RTL8B: variants seen among roughly 807,000 people sequenced by gnomAD.
RTL8B encodes the protein retrotransposon Gag like 8B.
RTL8B carries 5 observed loss-of-function variants against 4.4 expected under a neutral mutation model. The observed-to-expected ratio is 1.13, with a 90% CI of 0.59 to 2.37. RTL8B has a LOEUF of 2.37. Ranked by LOEUF, RTL8B falls within the 30% of genes most tolerant of loss-of-function variation. The pLI is 0.01. For synonymous variants in RTL8B, 31 were observed against 44.2 expected, an observed-to-expected ratio of 0.70 and a Z score of 1.19; for missense variants, 82 against 99.2, an observed-to-expected ratio of 0.83 and a Z score of 0.74.
Position 135,021,977 on chromosome X carries a change from G to T in RTL8B, c.*141C>A, listed in dbSNP as rs747032694. On this transcript the variant is annotated 3_prime_UTR_variant, in exon 1 of 1. Transcript: ENST00000391440. ...CAAAGGCAAGCACTACGCGGGAGGG[G>T]ACAGGAGCGCAGGGGACATCGTGGC... The T allele has an allele frequency of 8.6e-7, 1 of 1,159,191 alleles. No homozygotes were observed. Among genetic ancestry groups the T allele is most frequent in the East Asian group, 3.3e-5 (1 of 30,634 alleles).
rs763902167 is a variant in RTL8B at position 135,021,766 on chromosome X, G to A, written c.*352C>T. 2.7e-5 allele frequency: 29 copies of A among 1,057,611 alleles called. No homozygotes were observed. Among genetic ancestry groups the A allele is most frequent in the Non-Finnish European group, 3.4e-5 (27 of 804,230 alleles). 87.2% of individuals were successfully genotyped at this position (1,057,611 alleles called of 1,213,427 possible). A position where few individuals can be genotyped will look rare whatever the true frequency, so the allele number is the denominator to read the frequency against. ...CTGGAAGTCTGGTGAGGAGGAGGGGGGTTGGCAGCGGCGGCTGTCAGTGGT... is the reference window on the plus strand; with the variant it reads ...CTGGAAGTCTGGTGAGGAGGAGGGGAGTTGGCAGCGGCGGCTGTCAGTGGT... On this transcript the variant is annotated 3_prime_UTR_variant, in exon 1 of 1. Coordinates refer to ENST00000391440, the MANE Select transcript of RTL8B (RefSeq NM_001078173.2).
chrX:135,020,750 G>C lies in RTL8B; in HGVS notation c.*1368C>G, dbSNP rs1367443439. On this transcript the variant is annotated 3_prime_UTR_variant, in exon 1 of 1. Transcript: ENST00000391440. ...ATTCTTCTGCAAAATAAAACCCCCT[G>C]GTCATCAACCAGGTTTGTATCTAAA... 9.0e-6 allele frequency: 1 copy of C among 111,654 alleles called. No homozygotes were observed. The highest frequency in any genetic ancestry group is 3.3e-5 in the African/African-American group (1 of 30,672). The allele number at this position is 111,654 out of a possible 1,213,427, so 9.2% of individuals were successfully genotyped here. A position where few individuals can be genotyped will look rare whatever the true frequency, so the allele number is the denominator to read the frequency against.
chrX:135,022,008 G>A lies in RTL8B; in HGVS notation c.*110C>T, dbSNP rs2083268636. The A allele has an allele frequency of 1.7e-6, 2 of 1,169,143 alleles. No individual in the cohort carries two copies. Among genetic ancestry groups the A allele is most frequent in the Admixed American group, 2.5e-5 (1 of 39,369 alleles). On this transcript the variant is annotated 3_prime_UTR_variant, in exon 1 of 1. Coordinates refer to ENST00000391440, the MANE Select transcript of RTL8B (RefSeq NM_001078173.2). ...AGCGCAGGGGACATCGTGGCGGCTC[G>A]AGGGGGAGGGAGGCGCGGAGGGAGG...
chrX:135,022,060 C>A lies in RTL8B; in HGVS notation c.*58G>T, dbSNP rs1394577123. ...CGCCGGTGGCGACCCTGGCGGCGGCCAGTAACACAGCGGACCCTTCCCAGA... is the reference window on the plus strand; with the variant it reads ...CGCCGGTGGCGACCCTGGCGGCGGCAAGTAACACAGCGGACCCTTCCCAGA... On this transcript the variant is annotated 3_prime_UTR_variant, in exon 1 of 1. Coordinates refer to ENST00000391440, the MANE Select transcript of RTL8B (RefSeq NM_001078173.2). 5.0e-6 allele frequency: 6 copies of A among 1,207,665 alleles called. No homozygotes were observed. Among genetic ancestry groups the A allele is most frequent in the Non-Finnish European group, 5.6e-6 (5 of 894,193 alleles).
In RTL8B at chrX:135,022,538, T is replaced by A; in HGVS notation, c.-79A>T. On this transcript the variant is annotated 5_prime_UTR_variant, in exon 1 of 1. Transcript: ENST00000391440. ...GGCTGCACCGAGGCGTAGCGGGAAG[T>A]GCATGTCGCGGGAGGAGAAGCCGGG... The A allele has an allele frequency of 8.6e-7, 1 of 1,156,500 alleles. No individual in the cohort carries two copies. The highest frequency in any genetic ancestry group is 1.2e-6 in the Non-Finnish European group (1 of 869,384).
At position 135,021,819 on chromosome X, in the gene RTL8B, T is replaced by G; in HGVS notation, c.*299A>C. ...GTCAGTGTGTAACAGGAGCTCAGCT[T>G]TGTGCAACTGGAGCGCAGGACAGCG... On this transcript the variant is annotated 3_prime_UTR_variant, in exon 1 of 1. Transcript: ENST00000391440. 9.0e-7 allele frequency: 1 copy of G among 1,114,863 alleles called. No homozygotes were observed. Among genetic ancestry groups the G allele is most frequent in the Non-Finnish European group, 1.2e-6 (1 of 840,275 alleles). The allele number at this position is 1,114,863 out of a possible 1,213,427, so 91.9% of individuals were successfully genotyped here.
At position 135,020,998 on chromosome X, in the gene RTL8B, C is replaced by A. The variant is rs1451544411; in HGVS notation, c.*1120G>T. 8.9e-6 allele frequency: 1 copy of A among 112,387 alleles called. No individual in the cohort carries two copies. The highest frequency in any genetic ancestry group is 1.9e-5 in the Non-Finnish European group (1 of 53,468). The allele number at this position is 112,387 out of a possible 1,213,427, so 9.3% of individuals were successfully genotyped here. A position where few individuals can be genotyped will look rare whatever the true frequency, so the allele number is the denominator to read the frequency against. ...GAAATGAGGATACATTTTCCAAGAG[C>A]CTGCTGGCTGACTTCTCACATAGTG... On this transcript the variant is annotated 3_prime_UTR_variant, in exon 1 of 1. Coordinates refer to ENST00000391440, the MANE Select transcript of RTL8B (RefSeq NM_001078173.2).
chrX:135,021,968 G>A lies in RTL8B; in HGVS notation c.*150C>T. 1 of 1,158,248 alleles carries A rather than the reference G, an allele frequency of 8.6e-7. No homozygotes were observed. Among genetic ancestry groups the A allele is most frequent in the Non-Finnish European group, 1.2e-6 (1 of 869,195 alleles). Reference sequence around the variant, plus strand: ...TTCCTGGAACAAAGGCAAGCACTACGCGGGAGGGGACAGGAGCGCAGGGGA... The same window carrying A: ...TTCCTGGAACAAAGGCAAGCACTACACGGGAGGGGACAGGAGCGCAGGGGA... On this transcript the variant is annotated 3_prime_UTR_variant, in exon 1 of 1. Coordinates refer to ENST00000391440, the MANE Select transcript of RTL8B (RefSeq NM_001078173.2).
rs1466333791 is a variant in RTL8B at position 135,020,569 on chromosome X, G to T, written c.*1549C>A. 1 of 111,742 alleles carries T rather than the reference G, an allele frequency of 8.9e-6. No homozygotes were observed. The highest frequency in any genetic ancestry group is 3.3e-5 in the African/African-American group (1 of 30,685). 9.2% of individuals were successfully genotyped at this position (111,742 alleles called of 1,213,427 possible). A position where few individuals can be genotyped will look rare whatever the true frequency, so the allele number is the denominator to read the frequency against. On this transcript the variant is annotated 3_prime_UTR_variant, in exon 1 of 1. Coordinates refer to ENST00000391440, the MANE Select transcript of RTL8B (RefSeq NM_001078173.2). ...ATAAAATCAAAGTTCAGGCTACCTG[G>T]TAACTTGAGGCCAGAACTGTTGTAA...
In RTL8B at chrX:135,021,626, G is replaced by A; in HGVS notation, c.*492C>T. ...GATCATTGTCCAGGGGCTGTGTCCA[G>A]CCCAGATACCTCCGAGGTGAGTACA... is the stretch of plus-strand genomic sequence containing the variant. On this transcript the variant is annotated 3_prime_UTR_variant, in exon 1 of 1. Transcript: ENST00000391440. 3.1e-6 allele frequency: 3 copies of A among 972,627 alleles called. No homozygotes were observed. The allele number at this position is 972,627 out of a possible 1,213,427, so 80.2% of individuals were successfully genotyped here.
chrX:135,022,084 G>A lies in RTL8B; in HGVS notation c.*34C>T, dbSNP rs1471254572. The A allele has an allele frequency of 4.7e-5, 57 of 1,209,666 alleles. No homozygotes were observed. The highest frequency in any genetic ancestry group is 6.0e-5 in the Non-Finnish European group (54 of 895,021). ...CCAGTAACACAGCGGACCCTTCCCA[G>A]AGCACCGGTCCCCAGGCCCGAGGGT... On this transcript the variant is annotated 3_prime_UTR_variant, in exon 1 of 1. Coordinates refer to ENST00000391440, the MANE Select transcript of RTL8B (RefSeq NM_001078173.2).
Position 135,022,242 on chromosome X carries a change from G to A in RTL8B, c.218C>T (p.Thr73Met), listed in dbSNP as rs2083270018. 2.5e-6 allele frequency: 3 copies of A among 1,210,832 alleles called. No homozygotes were observed. The highest frequency in any genetic ancestry group is 2.2e-6 in the Non-Finnish European group (2 of 895,309). Residue 73 changes from threonine to methionine, a missense_variant, in exon 1 of 1, where the codon ACG becomes ATG. By Grantham distance (81) the Thr-to-Met change is moderately conservative (BLOSUM62 -1). Transcript: ENST00000391440. ...LKVTFLITRL[T>M]GPALQWVIPY... Reference sequence around the variant, plus strand: ...GATCACCCACTGCAGGGCGGGCCCCGTGAGGCGGGTGATGAGGAACGTCAC... The same window carrying A: ...GATCACCCACTGCAGGGCGGGCCCCATGAGGCGGGTGATGAGGAACGTCAC...
Position 135,021,715 on chromosome X carries a change from G to A in RTL8B, c.*403C>T, listed in dbSNP as rs760814351. The A allele has an allele frequency of 9.9e-7, 1 of 1,012,111 alleles. No homozygotes were observed. Among genetic ancestry groups the A allele is most frequent in the Non-Finnish European group, 1.3e-6 (1 of 775,620 alleles). 83.4% of individuals were successfully genotyped at this position (1,012,111 alleles called of 1,213,427 possible). Reference sequence around the variant, plus strand: ...GATGGCGATGGCAGTGGCAGCGCAGGTCTGTGGGCAGCATGATGTAGTCGT... The same window carrying A: ...GATGGCGATGGCAGTGGCAGCGCAGATCTGTGGGCAGCATGATGTAGTCGT... On this transcript the variant is annotated 3_prime_UTR_variant, in exon 1 of 1. Transcript: ENST00000391440.
In RTL8B at chrX:135,020,841, A is replaced by G. The variant is rs2083264640; in HGVS notation, c.*1277T>C. The G allele has an allele frequency of 8.9e-6, 1 of 112,175 alleles. No individual in the cohort carries two copies. The highest frequency in any genetic ancestry group is 3.2e-5 in the African/African-American group (1 of 30,845). The allele number at this position is 112,175 out of a possible 1,213,427, so 9.2% of individuals were successfully genotyped here. A position where few individuals can be genotyped will look rare whatever the true frequency, so the allele number is the denominator to read the frequency against. Reference sequence around the variant, plus strand: ...AATCAAGAATTTATAAATGCTTTTGAAAAGCACCTATATAATTCTGTTGGT... The same window carrying G: ...AATCAAGAATTTATAAATGCTTTTGGAAAGCACCTATATAATTCTGTTGGT... On this transcript the variant is annotated 3_prime_UTR_variant, in exon 1 of 1. Coordinates refer to ENST00000391440, the MANE Select transcript of RTL8B (RefSeq NM_001078173.2).
In RTL8B at chrX:135,021,658, T is replaced by G. The variant is rs2083266928; in HGVS notation, c.*460A>C. 4 of 989,561 alleles carry G rather than the reference T, an allele frequency of 4.0e-6. No individual in the cohort carries two copies. Among genetic ancestry groups the G allele is most frequent in the Non-Finnish European group, 5.3e-6 (4 of 760,176 alleles). The allele number at this position is 989,561 out of a possible 1,213,427, so 81.6% of individuals were successfully genotyped here. A position where few individuals can be genotyped will look rare whatever the true frequency, so the allele number is the denominator to read the frequency against. On this transcript the variant is annotated 3_prime_UTR_variant, in exon 1 of 1. Transcript: ENST00000391440. The stretch of plus-strand genomic sequence containing the variant: ...TACCTCCGAGGTGAGTACAGATCAC[T>G]AGAAGCAGCAGTCTGTCGGTGGAAT...
chrX:135,020,721 C>A lies in RTL8B; in HGVS notation c.*1397G>T, dbSNP rs1408026293. 1 of 111,817 alleles carries A rather than the reference C, an allele frequency of 8.9e-6. No individual in the cohort carries two copies. The highest frequency in any genetic ancestry group is 3.3e-5 in the African/African-American group (1 of 30,678). 9.2% of individuals were successfully genotyped at this position (111,817 alleles called of 1,213,427 possible). A position where few individuals can be genotyped will look rare whatever the true frequency, so the allele number is the denominator to read the frequency against. On this transcript the variant is annotated 3_prime_UTR_variant, in exon 1 of 1. Coordinates refer to ENST00000391440, the MANE Select transcript of RTL8B (RefSeq NM_001078173.2). ...TAATTGAATAAAATGATACCAAATACCCAATTCTTCTGCAAAATAAAACCC... is the reference window on the plus strand; with the variant it reads ...TAATTGAATAAAATGATACCAAATAACCAATTCTTCTGCAAAATAAAACCC...
At position 135,022,076 on chromosome X, in the gene RTL8B, C is replaced by G; in HGVS notation, c.*42G>C. On this transcript the variant is annotated 3_prime_UTR_variant, in exon 1 of 1. Coordinates refer to ENST00000391440, the MANE Select transcript of RTL8B (RefSeq NM_001078173.2). ...GGCGGCGGCCAGTAACACAGCGGAC[C>G]CTTCCCAGAGCACCGGTCCCCAGGC... is the stretch of plus-strand genomic sequence containing the variant. 1 of 1,211,183 alleles carries G rather than the reference C, an allele frequency of 8.3e-7. No homozygotes were observed. Among genetic ancestry groups the G allele is most frequent in the South Asian group, 1.8e-5 (1 of 56,901 alleles).
In RTL8B at chrX:135,022,321, T is replaced by C. The variant is rs777693007; in HGVS notation, c.139A>G (p.Thr47Ala). The C allele has an allele frequency of 4.1e-6, 5 of 1,211,773 alleles. No homozygotes were observed. Among genetic ancestry groups the C allele is most frequent in the Non-Finnish European group, 5.6e-6 (5 of 895,508 alleles). Reference protein sequence around the residue: ...TDRLPEFIVQTSSYMFVDENT... With the variant: ...TDRLPEFIVQASSYMFVDENT... ...TCGTCCACGAACATGTAGGAGCTCG[T>C]CTGCACGATGAACTCCGGGAGCCGG... Residue 47 changes from threonine to alanine, a missense_variant, in exon 1 of 1, where the codon ACG (threonine) becomes GCG (alanine). Transcript: ENST00000391440.
chrX:135,021,614 G>A lies in RTL8B; in HGVS notation c.*504C>T, dbSNP rs1308197602. 9 of 950,168 alleles carry A rather than the reference G, an allele frequency of 9.5e-6. No homozygotes were observed. Among genetic ancestry groups the A allele is most frequent in the Non-Finnish European group, 1.2e-5 (9 of 726,449 alleles). 78.3% of individuals were successfully genotyped at this position (950,168 alleles called of 1,213,427 possible). A position where few individuals can be genotyped will look rare whatever the true frequency, so the allele number is the denominator to read the frequency against. ...GCCAGCTGTCTGGATCATTGTCCAG[G>A]GGCTGTGTCCAGCCCAGATACCTCC... On this transcript the variant is annotated 3_prime_UTR_variant, in exon 1 of 1. Transcript: ENST00000391440.
Sources: allele counts gnomAD v4.1 joint callset, GRCh38; gene constraint gnomAD v4.1.1; transcripts MANE v1.5; gene names NCBI Gene and HGNC (gene_info 2026-07-23, HGNC 2026-07-21).